TBL1Y: variants seen among roughly 807,000 people sequenced by gnomAD.
TBL1Y encodes the protein transducin beta like 1 Y-linked.
TBL1Y carries 15 observed loss-of-function variants against 12.0 expected under a neutral mutation model. That is an observed-to-expected ratio of 1.25 (90% CI 0.83 to 1.92). The LOEUF is 1.92. TBL1Y is among the 40% of genes most tolerant of loss of function. The probability of loss-of-function intolerance (pLI) is 0.00; values close to 1 mark genes in which losing one functional copy is unlikely to be tolerated. For missense variants in TBL1Y, 148 were observed against 116.7 expected (o/e 1.27, Z -1.24); for synonymous variants, 53 against 42.6 (o/e 1.24, Z -0.95).
intron 6 of TBL1Y, among the ~76,000 whole-genome samples, chrY:7,040,313 G>A: frequency 2.9e-5 from 1 of 34,634 alleles, no homozygotes; most frequent in African/African-American, 1.1e-4. Flanking sequence ...CCCTTGGTCC[G>A]TCTTTGCTGG....
At chrY:6,969,204 C>T (rs2124121400) in intron 2 of TBL1Y, among the ~76,000 whole-genome samples, 4 of 33,322 alleles carry the variant, frequency 1.2e-4, no homozygotes, top group Non-Finnish European at 3.0e-4. Flanking sequence ...ACTTTTGTAC[C>T]GTGAAGACTC....
intron 2 of TBL1Y, among the ~76,000 whole-genome samples, chrY:6,954,428 G>C (rs2012055153): frequency 1.5e-4 from 5 of 34,092 alleles, no homozygotes; most frequent in African/African-American, 5.7e-4. Context: ...TCAGACTGCT[G>C]TGCTAGCAAT....
intron 13 of TBL1Y, among the ~76,000 whole-genome samples, chrY:7,079,155 T>G (rs776335679): frequency 5.8e-5 from 2 of 34,198 alleles, no homozygotes; most frequent in East Asian, 1.6e-3. Flanking sequence ...CACCCCCAGC[T>G]CATTCCATGT....
At position 7,090,345 on chromosome Y, in the gene TBL1Y, G is replaced by A. The variant is rs564918589; in HGVS notation, c.1548+155G>A. Among the ~76,000 whole-genome samples the A allele has an allele frequency of 6.4e-4, 22 of 34,142 alleles. No individual in the cohort carries two copies. The South Asian group carries it at 0.014, about 22-fold the overall frequency. The allele number at this position is 34,142 out of a possible 37,273, so 91.6% of individuals were successfully genotyped here. A position where few individuals can be genotyped will look rare whatever the true frequency, so the allele number is the denominator to read the frequency against. ...CCTGAAGGGTCTAGCCCAGTGCTGA[G>A]GGAAGCTTTTAGGATGGATCCCATC... On this transcript the variant is annotated intron_variant, in intron 18 of 18. Coordinates refer to ENST00000383032, the MANE Select transcript of TBL1Y (RefSeq NM_033284.2).
intron 2 of TBL1Y, among the ~76,000 whole-genome samples, chrY:6,962,597 G>A (rs968617791): frequency 3.0e-5 from 1 of 33,859 alleles, no homozygotes; most frequent in African/African-American, 1.2e-4. Context: ...TCAATGACTC[G>A]TTCTTTTGGC....
chrY:6,942,710 G>A (rs2011960728), intron 2 of TBL1Y, among the ~76,000 whole-genome samples: 1 of 33,137 alleles, frequency 3.0e-5, no homozygotes. Flanking sequence ...GTCAACGCAC[G>A]TCTCCTTGGA....
At chrY:6,934,623 CTCTG>C (rs2011890462) in intron 2 of TBL1Y, among the ~76,000 whole-genome samples, 1 of 34,085 alleles carries the variant, frequency 2.9e-5, no homozygotes, top group African/African-American at 1.1e-4. Flanking sequence ...ATTAGTTTCA[CTCTG>C]TCTGCTTTCC....
intron 3 of TBL1Y, among the ~76,000 whole-genome samples, chrY:6,986,706 G>T (rs756086706): frequency 4.0e-5 from 1 of 24,894 alleles, no homozygotes; most frequent in South Asian, 1.0e-3. Flanking sequence ...ATCTCGGTGG[G>T]TTTTTTTTTT....
chrY:7,032,683 T>C (rs2012662736), intron 6 of TBL1Y, among the ~76,000 whole-genome samples: 1 of 33,602 alleles, frequency 3.0e-5, no homozygotes, highest in Non-Finnish European at 7.4e-5. Context: ...AGGCAAGCTG[T>C]GTTGTCTCTG....
intron 13 of TBL1Y, among the ~76,000 whole-genome samples, chrY:7,078,205 G>T (rs771013891): frequency 3.0e-5 from 1 of 33,880 alleles, no homozygotes; most frequent in Non-Finnish European, 7.3e-5. Flanking sequence ...CATAAGATGG[G>T]CTTCTGTATT....
At chrY:6,926,252 C>T (rs2011823909) in intron 2 of TBL1Y, among the ~76,000 whole-genome samples, 1 of 33,913 alleles carries the variant, frequency 2.9e-5, no homozygotes, top group African/African-American at 1.2e-4. Context: ...CTTAGCAGCA[C>T]CTGCTTAAAA....
At chrY:6,986,193 C>G (rs2012316230) in intron 3 of TBL1Y, among the ~76,000 whole-genome samples, 1 of 32,362 alleles carries the variant, frequency 3.1e-5, no homozygotes, top group African/African-American at 1.2e-4. Context: ...CATCCAAGAA[C>G]TCCCTCTTCA....
intron 13 of TBL1Y, among the ~76,000 whole-genome samples, chrY:7,079,732 A>C: frequency 3.0e-5 from 1 of 33,655 alleles, no homozygotes; most frequent in Non-Finnish European, 7.4e-5. Flanking sequence ...TTTTTTACAT[A>C]TATTGAGGTA....
intron 3 of TBL1Y, among the ~76,000 whole-genome samples, chrY:6,978,575 G>A (rs996123351): frequency 2.1e-4 from 7 of 33,888 alleles, no homozygotes; most frequent in Non-Finnish European, 4.4e-4. Context: ...TATGTTATCC[G>A]TGAACAAAAA....
At chrY:6,970,862 G>A (rs2012202465) in intron 2 of TBL1Y, among the ~76,000 whole-genome samples, 1 of 34,596 alleles carries the variant, frequency 2.9e-5, no homozygotes, top group Admixed American at 2.6e-4. Flanking sequence ...AGGCAATGAA[G>A]TTATGCACAG....
At chrY:6,977,643 C>T (rs2012254062) in intron 2 of TBL1Y, among the ~76,000 whole-genome samples, 1 of 33,388 alleles carries the variant, frequency 3.0e-5, no homozygotes, top group Admixed American at 2.7e-4. Context: ...AACATTTCCA[C>T]TCTTGGTAAA....
rs771678068 is a variant in TBL1Y, at chrY:7,085,886, G to A, written c.1078-12G>A. On this transcript the variant is annotated splice_polypyrimidine_tract_variant and intron_variant, in intron 14 of 18. Transcript: ENST00000383032. Reference sequence around the variant, plus strand: ...TGATATATTTTTCAAGAGACTCTCCGCTCTGTTTCAGAACGAGGTCAATGC... The same window carrying A: ...TGATATATTTTTCAAGAGACTCTCCACTCTGTTTCAGAACGAGGTCAATGC... 2.5e-6 allele frequency: 1 copy of A among 393,823 alleles called. No homozygotes were observed. Among genetic ancestry groups the A allele is most frequent in the African/African-American group, 6.5e-5 (1 of 15,338 alleles).
chrY:7,042,819 C>T, intron 6 of TBL1Y, 161 bp from the exon 7 acceptor site: 1 of 220,294 alleles, frequency 4.5e-6, no homozygotes, highest in Non-Finnish European at 5.5e-6. Flanking sequence ...TTCCACCTTA[C>T]TGAGCCCAAA....
At chrY:6,923,092 C>T (rs760975637) in intron 2 of TBL1Y, among the ~76,000 whole-genome samples, 1 of 33,570 alleles carries the variant, frequency 3.0e-5, no homozygotes, top group Non-Finnish European at 7.4e-5. Context: ...GCACCGAGAG[C>T]AAGCGAGGGC....
Sources: allele counts gnomAD v4.1 joint callset (sites outside exome capture counted in the v4.1 genomes callset), GRCh38; gene constraint gnomAD v4.1.1; transcripts MANE v1.5; gene names NCBI Gene and HGNC (gene_info 2026-07-23, HGNC 2026-07-21).